Variants in ITPK1 observed in about 807,000 individuals in gnomAD.
ITPK1 encodes inositol 1,3,4-trisphosphate 5/6-kinase.
ITPK1 carries 21 observed loss-of-function variants against 45.3 expected under a neutral mutation model. The observed-to-expected ratio is 0.46, with a 90% CI of 0.33 to 0.67. The LOEUF is 0.67. Ranked by LOEUF, ITPK1 falls within the 30% of genes least tolerant of loss-of-function variation. ITPK1 has a pLI of 0.02. For synonymous variants in ITPK1, 258 were observed against 253.6 expected (o/e 1.02, Z -0.16); for missense variants, 474 against 573.5 (o/e 0.83, Z 1.77).
chr14:92,942,583 G>A (rs999588939), intron 10 of ITPK1, among the ~76,000 whole-genome samples: 1 of 152,194 alleles, frequency 6.6e-6, no homozygotes, highest in Non-Finnish European at 1.5e-5. Context: ...TCACAGCCAA[G>A]GAACGGAAAT....
intron 5 of ITPK1, among the ~76,000 whole-genome samples, chr14:92,975,808 A>G (rs1885911126): frequency 1.3e-5 from 2 of 152,146 alleles, no homozygotes; most frequent in Non-Finnish European, 2.9e-5. Context: ...TTGGACTATG[A>G]TATGGTTTGG....
At chr14:93,088,248 G>T (rs1055563922) in intron 2 of ITPK1, among the ~76,000 whole-genome samples, 18 of 152,042 alleles carry the variant, frequency 1.2e-4, no homozygotes, top group Non-Finnish European at 2.5e-4. Context: ...GGCAGGATTT[G>T]TGAGTGCCAG....
At chr14:92,954,700 C>T (rs905697479) in intron 8 of ITPK1, among the ~76,000 whole-genome samples, 3 of 152,226 alleles carry the variant, frequency 2.0e-5, no homozygotes, top group African/African-American at 7.2e-5. Context: ...CGTACAGCCA[C>T]GAGCTGGGCC....
intron 3 of ITPK1, among the ~76,000 whole-genome samples, chr14:93,029,309 TCTGGAC>T (rs1888911949): frequency 6.6e-6 from 1 of 151,762 alleles, no homozygotes; most frequent in South Asian, 2.1e-4. Flanking sequence ...CCACCTGGGG[TCTGGAC>T]CCTTGGGGAC....
chr14:92,943,283 A>G (rs1038950815), intron 10 of ITPK1, among the ~76,000 whole-genome samples: 2 of 152,244 alleles, frequency 1.3e-5, no homozygotes, highest in Non-Finnish European at 2.9e-5. Flanking sequence ...GGGAAGTAGC[A>G]GCCACTGGGC....
At chr14:93,047,729 AG>A (rs1423161317) in intron 3 of ITPK1, among the ~76,000 whole-genome samples, 13 of 152,346 alleles carry the variant, frequency 8.5e-5, no homozygotes, top group Admixed American at 5.2e-4. Flanking sequence ...CGCAGTTTGC[AG>A]TGACCTGTTA....
intron 4 of ITPK1, among the ~76,000 whole-genome samples, chr14:92,998,421 C>G: frequency 6.6e-6 from 1 of 152,238 alleles, no homozygotes; most frequent in East Asian, 1.9e-4. Flanking sequence ...ACCCCACCGG[C>G]AGCCCAGGCT....
intron 2 of ITPK1, among the ~76,000 whole-genome samples, chr14:93,113,926 G>T (rs960562731): frequency 6.6e-6 from 1 of 152,222 alleles, no homozygotes; most frequent in Non-Finnish European, 1.5e-5. Flanking sequence ...GGAAAGGCAT[G>T]AGGCACACAG....
intron 5 of ITPK1, among the ~76,000 whole-genome samples, chr14:92,983,988 G>A (rs568795541): frequency 6.6e-6 from 1 of 152,318 alleles, no homozygotes; most frequent in African/African-American, 2.4e-5. Context: ...CACATGTTCA[G>A]TGGGGACAAA....
At position 92,940,895 on chromosome 14, in the gene ITPK1, G is replaced by A; in HGVS notation, c.*666C>T. On this transcript the variant is annotated 3_prime_UTR_variant, in exon 11 of 11. Coordinates refer to ENST00000267615, the MANE Select transcript of ITPK1 (RefSeq NM_014216.6). ...GCAGGGCTAAATGGGACGTGTGTTG[G>A]GGGGCCCAGAGGACGCCCAGCTTCC... 1.6e-6 allele frequency: 2 copies of A among 1,288,484 alleles called. No homozygotes were observed. The highest frequency in any genetic ancestry group is 2.5e-5 in the South Asian group (2 of 80,980). 79.8% of individuals were successfully genotyped at this position (1,288,484 alleles called of 1,614,324 possible).
At chr14:92,943,923 G>A (rs934873230) in intron 10 of ITPK1, among the ~76,000 whole-genome samples, 4 of 152,232 alleles carry the variant, frequency 2.6e-5, no homozygotes, top group Non-Finnish European at 5.9e-5. Context: ...CTGAGAGGTG[G>A]AAAGGCTGGG....
At chr14:92,949,556 AC>A (rs1364330883) in intron 9 of ITPK1, among the ~76,000 whole-genome samples, 1 of 152,176 alleles carries the variant, frequency 6.6e-6, no homozygotes, top group Non-Finnish European at 1.5e-5. Context: ...TCCACTGTGT[AC>A]CCTAAGCCAT....
chr14:92,992,966 G>C (rs1886863678), intron 5 of ITPK1, among the ~76,000 whole-genome samples: 1 of 152,260 alleles, frequency 6.6e-6, no homozygotes, highest in South Asian at 2.1e-4. Context: ...GGTGGTCTCA[G>C]ACTCCCATGC....
At chr14:92,961,793 C>T (rs1379663248) in intron 7 of ITPK1, among the ~76,000 whole-genome samples, 2 of 152,184 alleles carry the variant, frequency 1.3e-5, no homozygotes, top group African/African-American at 2.4e-5. Flanking sequence ...GGAGGTGGGG[C>T]CTTTGGGAGG....
chr14:92,976,913 G>A (rs776540509), intron 5 of ITPK1, among the ~76,000 whole-genome samples: 3 of 152,220 alleles, frequency 2.0e-5, no homozygotes, highest in Non-Finnish European at 4.4e-5. Flanking sequence ...AGTTAAGGAA[G>A]GCTCCTTTCC....
At chr14:92,956,559 G>A (rs1055689360) in intron 8 of ITPK1, among the ~76,000 whole-genome samples, 7 of 152,190 alleles carry the variant, frequency 4.6e-5, no homozygotes, top group Admixed American at 2.0e-4. Context: ...GGTTCCCAGC[G>A]TCGAGACGGA....
At chr14:93,025,818 C>T (rs563812575) in intron 3 of ITPK1, among the ~76,000 whole-genome samples, 57 of 152,336 alleles carry the variant, frequency 3.7e-4, no homozygotes, top group Admixed American at 1.0e-3. Flanking sequence ...TTTTCCTACA[C>T]ATCCTTAAGA....
rs1323668853 is a variant in ITPK1, at chr14:92,938,254, G to A, written c.*3307C>T. On this transcript the variant is annotated 3_prime_UTR_variant, in exon 11 of 11. Coordinates refer to ENST00000267615, the MANE Select transcript of ITPK1 (RefSeq NM_014216.6). ...ATGACAGGCGTGAGCCGCCATGCCC[G>A]GCCAGAGTTTCTAGGGAATAGAAGA... 12 of 588,118 alleles carry A rather than the reference G, an allele frequency of 2.0e-5. No individual in the cohort carries two copies. The highest frequency in any genetic ancestry group is 3.7e-5 in the African/African-American group (2 of 53,486). 36.4% of individuals were successfully genotyped at this position (588,118 alleles called of 1,614,324 possible). A position where few individuals can be genotyped will look rare whatever the true frequency, so the allele number is the denominator to read the frequency against.
chr14:92,939,840 A>T lies in ITPK1; in HGVS notation c.*1721T>A, dbSNP rs955220607. On this transcript the variant is annotated 3_prime_UTR_variant, in exon 11 of 11. Coordinates refer to ENST00000267615, the MANE Select transcript of ITPK1 (RefSeq NM_014216.6). The stretch of plus-strand genomic sequence containing the variant: ...GAGTATGACATAACAAACTTGAGCA[A>T]CATGTGTAAACACGTGTGAAATGCG... 3.0e-6 allele frequency: 3 copies of T among 985,718 alleles called. No homozygotes were observed. The South Asian group carries it at 1.4e-4, about 46-fold the overall frequency. 61.1% of individuals were successfully genotyped at this position (985,718 alleles called of 1,614,324 possible). A position where few individuals can be genotyped will look rare whatever the true frequency, so the allele number is the denominator to read the frequency against.
Sources: allele counts gnomAD v4.1 joint callset (sites outside exome capture counted in the v4.1 genomes callset), GRCh38; gene constraint gnomAD v4.1.1; transcripts MANE v1.5; gene names NCBI Gene and HGNC (gene_info 2026-07-23, HGNC 2026-07-21).